MPP7: variants seen among roughly 807,000 people sequenced by gnomAD.
The protein encoded by MPP7 is MAGUK p55 subfamily member 7.
A neutral mutation model predicts 76.5 loss-of-function variants in MPP7; 60 were observed. The ratio of observed to expected loss-of-function variants is 0.78; its 90% CI spans 0.64 to 0.97. The LOEUF (loss-of-function observed/expected upper bound fraction) is 0.97. Ranked by LOEUF, MPP7 falls within the 50% of genes least tolerant of loss-of-function variation. MPP7 has a pLI of 0.00. For missense variants in MPP7, 641 were observed against 694.0 expected (o/e 0.92, Z 0.86); for synonymous variants, 237 against 244.5 (o/e 0.97, Z 0.29).
intron 1 of MPP7, among the ~76,000 whole-genome samples, chr10:28,297,760 T>C (rs1213986406): frequency 6.6e-6 from 1 of 152,198 alleles, no homozygotes; most frequent in Non-Finnish European, 1.5e-5. Flanking sequence ...AAAAGATCTC[T>C]CTTTTGGTAG....
intron 13 of MPP7, among the ~76,000 whole-genome samples, 162 bp downstream of exon 13, chr10:28,069,610 C>A (rs7919756): frequency 0.4 from 58,495 of 146,940 alleles, 14,884 homozygotes; most frequent in East Asian, 0.92. Context: ...CTCAAAAAAA[C>A]AAAACAAACA....
intron 13 of MPP7, among the ~76,000 whole-genome samples, chr10:28,061,563 T>C (rs950899177): frequency 6.6e-6 from 1 of 151,828 alleles, no homozygotes; most frequent in Non-Finnish European, 1.5e-5. Flanking sequence ...AGAAAACACA[T>C]ATGTCATAGG....
chr10:28,118,620 G>A (rs774572057), intron 11 of MPP7: 1 of 985,402 alleles, frequency 1.0e-6, no homozygotes, highest in Middle Eastern at 5.2e-4. Flanking sequence ...TAAGTTTTCT[G>A]ATGTCAGAAG....
In MPP7 at chr10:28,053,878, G is replaced by A. The variant is rs1025198345; in HGVS notation, c.*187C>T. On this transcript the variant is annotated 3_prime_UTR_variant, in exon 17 of 17. Transcript: ENST00000683449. ...ACAGTACTGTGCATATTTTGATTTC[G>A]GATCTTATACTAACACATGGCGTTT... 30 of 605,660 alleles carry A rather than the reference G, an allele frequency of 5.0e-5. No individual in the cohort carries two copies. The East Asian group carries it at 5.8e-4, about 12-fold the overall frequency. 37.5% of individuals were successfully genotyped at this position (605,660 alleles called of 1,614,324 possible).
chr10:28,060,544 C>T (rs7903206), intron 13 of MPP7, among the ~76,000 whole-genome samples: 18,317 of 152,134 alleles, frequency 0.12, 1,128 homozygotes, highest in Middle Eastern at 0.14. Context: ...TCAAACTGCA[C>T]GGGGAGGAGT....
At chr10:28,276,635 A>AC (rs1340545066) in intron 1 of MPP7, among the ~76,000 whole-genome samples, 2 of 152,126 alleles carry the variant, frequency 1.3e-5, no homozygotes, top group African/African-American at 4.8e-5. Flanking sequence ...GAGGCATCAC[A>AC]CATGGGTGCG....
At chr10:28,266,332 C>T (rs1464315582) in intron 1 of MPP7, among the ~76,000 whole-genome samples, 3 of 152,200 alleles carry the variant, frequency 2.0e-5, no homozygotes, top group Admixed American at 2.0e-4. Context: ...GGGATCTGAA[C>T]TTGAGCCTGA....
In MPP7 at chr10:28,210,269, T is replaced by A. The variant is rs370542100; in HGVS notation, c.38-7998A>T. On this transcript the variant is annotated intron_variant, in intron 2 of 16. Transcript: ENST00000683449. ...CTATAAACACACACACCTATATAAG[T>A]CAGTTGGTACAAAAGTAATCACAGT... Among the ~76,000 whole-genome samples the A allele has an allele frequency of 5.9e-5, 9 of 152,168 alleles. No homozygotes were observed. In the East Asian group the frequency reaches 7.7e-4, roughly 13 times the overall value.
Position 28,054,049 on chromosome 10 carries a change from T to C in MPP7, c.*16A>G, listed in dbSNP as rs747156676. 16 of 1,598,414 alleles carry C rather than the reference T, an allele frequency of 1.0e-5. No homozygotes were observed. The highest frequency in any genetic ancestry group is 8.9e-5 in the East Asian group (4 of 44,786). On this transcript the variant is annotated 3_prime_UTR_variant, in exon 17 of 17. Coordinates refer to ENST00000683449, the MANE Select transcript of MPP7 (RefSeq NM_001318170.2). ...TGCACTCTATAGAAAAAGACAATTA[T>C]GGAAATTTCTCTTAGTTATGAATGT...
Position 28,119,637 on chromosome 10 carries a change from A to AT in MPP7, c.952+13dup. On this transcript the variant is annotated intron_variant, in intron 11 of 16. Transcript: ENST00000683449. ...CAGGGTTTGGTTTCTCTGCATTCTT[A>AT]TTAACAAACTTACATGATTTCCTGT... 1 of 1,610,158 alleles carries AT rather than the reference A, an allele frequency of 6.2e-7. No homozygotes were observed. Among genetic ancestry groups the AT allele is most frequent in the South Asian group, 1.1e-5 (1 of 90,958 alleles).
chr10:28,209,380 G>A (rs1838055772), intron 2 of MPP7, among the ~76,000 whole-genome samples: 4 of 151,586 alleles, frequency 2.6e-5, no homozygotes, highest in Admixed American at 6.6e-5. Flanking sequence ...GAGGAGGGAG[G>A]ATCCTTTGAG....
intron 3 of MPP7, among the ~76,000 whole-genome samples, chr10:28,180,381 G>C (rs1837021347): frequency 6.6e-6 from 1 of 152,120 alleles, no homozygotes; most frequent in African/African-American, 2.4e-5. Flanking sequence ...TGGTTGCAGA[G>C]GGGAGATGCA....
At chr10:28,201,099 A>T (rs1389453243) in intron 3 of MPP7, among the ~76,000 whole-genome samples, 2 of 152,214 alleles carry the variant, frequency 1.3e-5, no homozygotes, top group Non-Finnish European at 2.9e-5. Context: ...TGGAAATTAC[A>T]CTGTTATGAA....
At chr10:28,160,172 T>C (rs568227510) in intron 3 of MPP7, among the ~76,000 whole-genome samples, 1 of 152,038 alleles carries the variant, frequency 6.6e-6, no homozygotes, top group African/African-American at 2.4e-5. Flanking sequence ...TTTCTAATGG[T>C]TTCCTATGAG....
chr10:28,057,605 C>CT (rs59550501), intron 15 of MPP7: 16,753 of 122,236 alleles, frequency 0.14, 4,629 homozygotes, highest in African/African-American at 0.28. Flanking sequence ...AATTAAACCT[C>CT]TTTTTTTTTT....
At chr10:28,156,113 G>A (rs556228993) in intron 3 of MPP7, among the ~76,000 whole-genome samples, 12 of 152,322 alleles carry the variant, frequency 7.9e-5, no homozygotes, top group African/African-American at 2.9e-4. Flanking sequence ...TTTACTGAGA[G>A]TCTTGAAGTC....
intron 2 of MPP7, among the ~76,000 whole-genome samples, chr10:28,312,996 A>AG (rs1564770557): frequency 6.6e-6 from 1 of 152,184 alleles, no homozygotes; most frequent in Non-Finnish European, 1.5e-5. Context: ...GTGCACACAG[A>AG]GGGGATGTTT....
At chr10:28,083,464 C>A (rs1169310786) in intron 12 of MPP7, among the ~76,000 whole-genome samples, 1 of 149,054 alleles carries the variant, frequency 6.7e-6, no homozygotes, top group Non-Finnish European at 1.5e-5. Flanking sequence ...GTTTCTAGAT[C>A]TTTTCTTTAG....
chr10:28,211,308 C>T (rs939900212), intron 2 of MPP7, among the ~76,000 whole-genome samples: 1 of 152,056 alleles, frequency 6.6e-6, no homozygotes, highest in African/African-American at 2.4e-5. Flanking sequence ...TCCCCTCTAA[C>T]GACTTACAAT....
Sources: gnomAD v4.1 joint callset for allele counts (sites outside exome capture counted in the v4.1 genomes callset) on GRCh38, gnomAD v4.1.1 for gene constraint, MANE v1.5 for transcripts, NCBI Gene and HGNC (gene_info 2026-07-23, HGNC 2026-07-21) for gene names.